The following SHLD1 variants were observed in gnomAD, a reference collection of about 807,000 sequenced individuals.
SHLD1 encodes shieldin complex subunit 1.
In SHLD1, 3 loss-of-function variants were observed where a neutral mutation model predicts 5.5. That is an observed-to-expected ratio of 0.54 (90% CI 0.25 to 1.40). SHLD1 has a LOEUF of 1.40. SHLD1 is among the 40% of genes most tolerant of loss of function. The pLI is 0.15. For missense variants in SHLD1, 210 were observed against 244.4 expected (o/e 0.86, Z 0.94); for synonymous variants, 92 against 94.3 (o/e 0.98, Z 0.14).
At chr20:5,784,745 C>T (rs568765003) in intron 2 of SHLD1, among the ~76,000 whole-genome samples, 9 of 152,182 alleles carry the variant, frequency 5.9e-5, no homozygotes, top group Non-Finnish European at 8.8e-5. Flanking sequence ...CCACCGCGCC[C>T]GGCCCAGAAT....
intron 2 of SHLD1, among the ~76,000 whole-genome samples, chr20:5,775,923 A>ATTTTTTTTTGTTTTTTTTTTT (rs1985403243): frequency 1.3e-5 from 1 of 77,678 alleles, no homozygotes; most frequent in Non-Finnish European, 2.4e-5. Flanking sequence ...TCAGCTCAGG[A>ATTTTTTTTTGTTTTTTTTTTT]TTTTTTTTTT....
chr20:5,843,172 G>A (rs879546633), intron 2 of SHLD1, among the ~76,000 whole-genome samples: 12 of 152,122 alleles, frequency 7.9e-5, no homozygotes, highest in Non-Finnish European at 1.3e-4. Context: ...AGACATATGA[G>A]GGCATGTCAG....
chr20:5,813,239 G>C lies in SHLD1; in HGVS notation c.178+40196G>C, dbSNP rs146615923. On this transcript the variant is annotated intron_variant, in intron 2 of 2. Coordinates refer to ENST00000303142, the MANE Select transcript of SHLD1 (RefSeq NM_152504.4). ...GCTGTGGCTCACGTCTGTAATCCCA[G>C]CATTTTGGGAGGCCGAGGCAGGCGG... Among the ~76,000 whole-genome samples the C allele has an allele frequency of 1.1e-3, 166 of 152,084 alleles. No individual in the cohort carries two copies. The East Asian group carries it at 0.016, about 14-fold the overall frequency.
At chr20:5,774,490 C>T (rs150901146) in intron 2 of SHLD1, among the ~76,000 whole-genome samples, 5 of 152,266 alleles carry the variant, frequency 3.3e-5, no homozygotes, top group African/African-American at 1.2e-4. Flanking sequence ...TAAAGAGATA[C>T]CTGAGACTGG....
At chr20:5,827,814 C>T (rs1172054774) in intron 2 of SHLD1, among the ~76,000 whole-genome samples, 2 of 152,210 alleles carry the variant, frequency 1.3e-5, no homozygotes, top group Non-Finnish European at 1.5e-5. Flanking sequence ...CATTACAGTG[C>T]GTACTTCACT....
intron 2 of SHLD1, among the ~76,000 whole-genome samples, chr20:5,837,960 T>G (rs941461340): frequency 1.3e-5 from 2 of 152,166 alleles, no homozygotes; most frequent in Non-Finnish European, 2.9e-5. Flanking sequence ...TCAGCTGTAG[T>G]TACAAAACAA....
intron 2 of SHLD1, among the ~76,000 whole-genome samples, chr20:5,834,363 T>A (rs920613266): frequency 6.6e-6 from 1 of 152,174 alleles, no homozygotes; most frequent in African/African-American, 2.4e-5. Context: ...GCAGAAGAAC[T>A]TAGGAAAGAG....
chr20:5,767,974 T>TC (rs1984935901), intron 1 of SHLD1, among the ~76,000 whole-genome samples: 1 of 120,348 alleles, frequency 8.3e-6, no homozygotes, highest in African/African-American at 3.4e-5. Flanking sequence ...AGTGACGAAT[T>TC]CTTTTTTTTT....
At chr20:5,808,856 A>G (rs2087419763) in intron 2 of SHLD1, among the ~76,000 whole-genome samples, 1 of 152,254 alleles carries the variant, frequency 6.6e-6, no homozygotes, top group East Asian at 1.9e-4. Flanking sequence ...TTTGCACAAG[A>G]AACATTCTTA....
chr20:5,862,888 CA>C, intron 2 of SHLD1, 135 bp from the exon 3 acceptor site: 2 of 747,458 alleles, frequency 2.7e-6, no homozygotes, highest in South Asian at 1.9e-5. Context: ...ATTTTGAAAT[CA>C]GCTGATATTT....
At chr20:5,812,183 A>T (rs891737877) in intron 2 of SHLD1, among the ~76,000 whole-genome samples, 2 of 151,366 alleles carry the variant, frequency 1.3e-5, no homozygotes, top group African/African-American at 2.4e-5. Flanking sequence ...TTAGCATTTC[A>T]TAAAAGAAAG....
intron 2 of SHLD1, among the ~76,000 whole-genome samples, chr20:5,815,183 G>C (rs2087512770): frequency 6.6e-6 from 1 of 152,146 alleles, no homozygotes. Flanking sequence ...ACTGTGCTCA[G>C]CCTTGTCTGC....
chr20:5,807,743 T>G (rs2087399892), intron 2 of SHLD1, among the ~76,000 whole-genome samples: 2 of 152,290 alleles, frequency 1.3e-5, no homozygotes, highest in South Asian at 4.2e-4. Flanking sequence ...TTTTGGAGAA[T>G]ATAGCCTCAG....
intron 2 of SHLD1, among the ~76,000 whole-genome samples, chr20:5,818,118 TC>T (rs1390722666): frequency 2.6e-5 from 4 of 151,962 alleles, no homozygotes; most frequent in African/African-American, 9.7e-5. Context: ...ACAGCCTTGC[TC>T]TGTTGGAGTG....
intron 2 of SHLD1, 78 bp from the exon 3 acceptor site, chr20:5,862,946 A>G: frequency 7.9e-7 from 1 of 1,265,690 alleles, no homozygotes; most frequent in Admixed American, 2.4e-5. Context: ...AACTGAAAAT[A>G]GACATCATCT....
chr20:5,800,973 C>T (rs1282491823), intron 2 of SHLD1, among the ~76,000 whole-genome samples: 3 of 152,046 alleles, frequency 2.0e-5, no homozygotes, highest in Admixed American at 6.6e-5. Flanking sequence ...GGTAACAACT[C>T]CCAAATTGAA....
chr20:5,814,047 G>C (rs970623125), intron 2 of SHLD1, among the ~76,000 whole-genome samples: 4 of 142,978 alleles, frequency 2.8e-5, no homozygotes, highest in Non-Finnish European at 4.5e-5. Context: ...CCGCCTCCCT[G>C]GTTCAAGCGA....
intron 1 of SHLD1, among the ~76,000 whole-genome samples, chr20:5,768,433 TG>T (rs1338569689): frequency 1.3e-5 from 2 of 152,260 alleles, no homozygotes; most frequent in African/African-American, 4.8e-5. Flanking sequence ...TGGGCTCTTC[TG>T]TCTTGACTCA....
chr20:5,764,662 G>A (rs750554484), intron 1 of SHLD1, among the ~76,000 whole-genome samples: 11 of 152,016 alleles, frequency 7.2e-5, no homozygotes, highest in Non-Finnish European at 1.5e-4. Flanking sequence ...TCACACCACT[G>A]CACTCCAGCC....
Sources: gnomAD v4.1 joint callset for allele counts (sites outside exome capture counted in the v4.1 genomes callset) on GRCh38, gnomAD v4.1.1 for gene constraint, MANE v1.5 for transcripts, NCBI Gene and HGNC (gene_info 2026-07-23, HGNC 2026-07-21) for gene names.